The following ATP8A1 variants were observed in gnomAD, a reference collection of about 807,000 sequenced individuals.
ATP8A1 encodes ATPase phospholipid transporting 8A1.
A neutral mutation model predicts 177.7 loss-of-function variants in ATP8A1; 90 were observed. That is an observed-to-expected ratio of 0.51 (90% CI 0.43 to 0.60). The LOEUF (loss-of-function observed/expected upper bound fraction) is 0.60. Among genes scored for constraint, ATP8A1 ranks in the 20% least tolerant of loss-of-function variants. ATP8A1 has a pLI of 0.00. For synonymous variants in ATP8A1, 493 were observed against 485.9 expected (o/e 1.01, Z -0.19); for missense variants, 1,072 against 1,392.8 (o/e 0.77, Z 3.67).
At chr4:42,638,861 T>A (rs1471645356) in intron 1 of ATP8A1, among the ~76,000 whole-genome samples, 4 of 152,068 alleles carry the variant, frequency 2.6e-5, no homozygotes, top group Non-Finnish European at 2.9e-5. Context: ...TGGCATTAAG[T>A]TCACCTCTAA....
At chr4:42,434,345 A>C (rs1002918773) in intron 33 of ATP8A1, among the ~76,000 whole-genome samples, 22 of 152,300 alleles carry the variant, frequency 1.4e-4, no homozygotes, top group African/African-American at 5.1e-4. Context: ...TTACCTTTTT[A>C]AAAAAATCTT....
At chr4:42,413,788 C>T (rs1173307572) in intron 36 of ATP8A1, among the ~76,000 whole-genome samples, 2 of 152,134 alleles carry the variant, frequency 1.3e-5, no homozygotes, top group African/African-American at 4.8e-5. Context: ...ATAGAAAGGG[C>T]CAACTGTACA....
At chr4:42,455,888 C>G (rs890877291) in intron 27 of ATP8A1, among the ~76,000 whole-genome samples, 2 of 152,102 alleles carry the variant, frequency 1.3e-5, no homozygotes, top group Non-Finnish European at 2.9e-5. Context: ...CTTAACGGTA[C>G]TTTCAGAGAA....
intron 22 of ATP8A1, among the ~76,000 whole-genome samples, chr4:42,519,966 T>C (rs1311980570): frequency 3.9e-5 from 6 of 152,340 alleles, no homozygotes; most frequent in East Asian, 1.9e-4. Flanking sequence ...CCACTTTTAA[T>C]GGAGTGCCTC....
intron 12 of ATP8A1, among the ~76,000 whole-genome samples, chr4:42,577,019 A>G (rs1021214425): frequency 2.0e-5 from 3 of 152,230 alleles, no homozygotes; most frequent in Non-Finnish European, 4.4e-5. Context: ...TTCACACAAG[A>G]AAGTTGCTTT....
chr4:42,542,849 T>G (rs907929454), intron 20 of ATP8A1, among the ~76,000 whole-genome samples: 2 of 152,172 alleles, frequency 1.3e-5, no homozygotes, highest in South Asian at 4.1e-4. Context: ...GAATATTACT[T>G]TTGGGATGTG....
chr4:42,489,321 T>TA lies in ATP8A1; in HGVS notation c.2152-3654dup, dbSNP rs553739481. ...AACGCCCTCATGAACCAACATAGGG[T>TA]ATGCAGTCCTGTGGTCCCCGCTCTC... On this transcript the variant is annotated intron_variant, in intron 24 of 36. Transcript: ENST00000381668. 1.8e-3 allele frequency among the ~76,000 whole-genome samples: 281 copies of TA among 152,182 alleles called. 3 individuals are homozygous for TA. The highest frequency in any genetic ancestry group is 6.6e-3 in the African/African-American group (274 of 41,520).
chr4:42,616,265 A>G (rs556807249), intron 4 of ATP8A1, among the ~76,000 whole-genome samples, 187 bp from the exon 5 acceptor site: 104 of 152,316 alleles, frequency 6.8e-4, no homozygotes, highest in African/African-American at 2.2e-3. Flanking sequence ...ACACCTAGGA[A>G]TTTTAAAACT....
At chr4:42,626,941 C>T in intron 2 of ATP8A1, 54 bp downstream of exon 2, 1 of 1,377,172 alleles carries the variant, frequency 7.3e-7, no homozygotes, top group Middle Eastern at 1.8e-4. Context: ...TCATTTTGAC[C>T]TAACCAGCTC....
At chr4:42,524,544 C>T (rs17531966) in intron 21 of ATP8A1, among the ~76,000 whole-genome samples, 12,197 of 151,310 alleles carry the variant, frequency 0.081, 679 homozygotes, top group African/African-American at 0.16. Context: ...CCATCTAAAA[C>T]GTGGGGACAA....
intron 19 of ATP8A1, among the ~76,000 whole-genome samples, chr4:42,547,522 GCTTT>G (rs1298639823): frequency 5.3e-5 from 8 of 152,102 alleles, no homozygotes; most frequent in Non-Finnish European, 1.2e-4. Flanking sequence ...CTAGCATAGT[GCTTT>G]CTAAGTGTGG....
intron 22 of ATP8A1, among the ~76,000 whole-genome samples, chr4:42,516,276 A>C (rs1389168606): frequency 6.6e-6 from 1 of 152,206 alleles, no homozygotes; most frequent in Non-Finnish European, 1.5e-5. Context: ...TATCTGATCA[A>C]AAAAGGCTTG....
At chr4:42,459,318 A>G (rs1251179137) in intron 27 of ATP8A1, 1 of 171,124 alleles carries the variant, frequency 5.8e-6, no homozygotes, top group East Asian at 1.7e-4. Flanking sequence ...TTTTCATTTG[A>G]TTTTAATGTT....
intron 20 of ATP8A1, among the ~76,000 whole-genome samples, chr4:42,540,450 C>T (rs530249235): frequency 1.3e-5 from 2 of 151,354 alleles, no homozygotes; most frequent in African/African-American, 4.9e-5. Context: ...AAAAAAAAAT[C>T]AATATATCAA....
intron 25 of ATP8A1, among the ~76,000 whole-genome samples, chr4:42,466,426 T>C (rs1719773612): frequency 6.6e-6 from 1 of 152,214 alleles, no homozygotes; most frequent in East Asian, 1.9e-4. Flanking sequence ...TAGTGGTAGA[T>C]ACTCTGCACA....
chr4:42,538,555 A>G (rs1488784786), intron 20 of ATP8A1, among the ~76,000 whole-genome samples: 3 of 152,206 alleles, frequency 2.0e-5, no homozygotes, highest in African/African-American at 7.2e-5. Context: ...AACTCAAATC[A>G]GCAAGAGGAA....
At chr4:42,630,340 C>A (rs559398150) in intron 1 of ATP8A1, among the ~76,000 whole-genome samples, 1 of 152,238 alleles carries the variant, frequency 6.6e-6, no homozygotes, top group South Asian at 2.1e-4. Context: ...TTAGAGGGTT[C>A]GTTCACATAA....
intron 1 of ATP8A1, among the ~76,000 whole-genome samples, chr4:42,655,688 C>G (rs1741545103): frequency 6.6e-6 from 1 of 152,216 alleles, no homozygotes; most frequent in South Asian, 2.1e-4. Flanking sequence ...CTCCCCACAG[C>G]AGTTTCATTT....
chr4:42,552,437 AT>A (rs1729598637), intron 17 of ATP8A1, 67 bp downstream of exon 17: 4 of 1,319,280 alleles, frequency 3.0e-6, no homozygotes, highest in Non-Finnish European at 4.2e-6. Context: ...TCTTTTTAAA[AT>A]TAAATTGACT....
Sources: allele counts gnomAD v4.1 joint callset (sites outside exome capture counted in the v4.1 genomes callset), GRCh38; gene constraint gnomAD v4.1.1; transcripts MANE v1.5; gene names NCBI Gene and HGNC (gene_info 2026-07-23, HGNC 2026-07-21).